ADAMTS2: variants seen among roughly 807,000 people sequenced by gnomAD.
ADAMTS2 encodes the protein A disintegrin and metalloproteinase with thrombospondin motifs 2.
Under a neutral mutation model 123.0 loss-of-function variants are expected in ADAMTS2, and 50 were observed. The observed-to-expected ratio is 0.41, with a 90% CI of 0.32 to 0.51. ADAMTS2 has a LOEUF of 0.51. Among genes scored for constraint, ADAMTS2 ranks in the 20% least tolerant of loss-of-function variants. The pLI, the probability that ADAMTS2 is intolerant of heterozygous loss-of-function variation, is 0.35. For missense variants in ADAMTS2, 1,494 were observed against 1,705.2 expected, an observed-to-expected ratio of 0.88 and a Z score of 2.18; for synonymous variants, 678 against 695.4, an observed-to-expected ratio of 0.98 and a Z score of 0.39.
chr5:179,344,460 C>A (rs1757880299), intron 1 of ADAMTS2, among the ~76,000 whole-genome samples: 1 of 152,212 alleles, frequency 6.6e-6, no homozygotes, highest in Non-Finnish European at 1.5e-5. Context: ...GGGAACCTCC[C>A]CGTGCCCGAA....
chr5:179,290,396 G>A (rs1052718904), intron 2 of ADAMTS2, among the ~76,000 whole-genome samples: 2 of 152,186 alleles, frequency 1.3e-5, no homozygotes, highest in African/African-American at 4.8e-5. Flanking sequence ...TTCCCAGCCT[G>A]CAGAACCATG....
intron 2 of ADAMTS2, among the ~76,000 whole-genome samples, chr5:179,318,574 C>T (rs1449769077): frequency 1.3e-5 from 2 of 152,214 alleles, no homozygotes; most frequent in Non-Finnish European, 2.9e-5. Flanking sequence ...ACACCCCTCG[C>T]CTCCGTCTTT....
At position 179,207,546 on chromosome 5, in the gene ADAMTS2, G is replaced by C; in HGVS notation, c.858C>G (p.His286Gln). 1 of 1,556,236 alleles carries C rather than the reference G, an allele frequency of 6.4e-7. No homozygotes were observed. The highest frequency in any genetic ancestry group is 8.7e-7 in the Non-Finnish European group (1 of 1,146,140). The change falls in exon 4 of 22, where the codon CAC becomes CAG. Residue 286 changes from histidine to glutamine, a missense_variant. Physicochemically the swap from His to Gln is conservative, Grantham distance 24. Around this residue, in one of 6 missense-constraint regions of ADAMTS2, gnomAD observed 184 missense variants for 152.1 expected, o/e 1.21. Coordinates refer to ENST00000251582, the MANE Select transcript of ADAMTS2 (RefSeq NM_014244.5). ...DSVVQFHGKE[H>Q]VQKYLLTLMN... ...TGAGTGTCAGCAGGTACTTCTGTAC[G>C]TGCTCCTTCCCGTGGAACTGCACCA...
chr5:179,309,240 C>A (rs903796295), intron 2 of ADAMTS2, among the ~76,000 whole-genome samples: 8 of 152,212 alleles, frequency 5.3e-5, no homozygotes, highest in African/African-American at 1.7e-4. Context: ...TGGGGCAGAC[C>A]CAGTCCCACT....
intron 3 of ADAMTS2, among the ~76,000 whole-genome samples, chr5:179,217,798 G>GGGGATGGGCACACTA (rs1554131217): frequency 9.3e-6 from 1 of 107,422 alleles, no homozygotes; most frequent in African/African-American, 3.9e-5. Flanking sequence ...TGGCGCAAGG[G>GGGGATGGGCACACTA]GGGGATGGGC....
At chr5:179,218,007 T>C (rs1052059926) in intron 3 of ADAMTS2, among the ~76,000 whole-genome samples, 2 of 152,172 alleles carry the variant, frequency 1.3e-5, no homozygotes, top group Non-Finnish European at 2.9e-5. Context: ...AGTCATCCTT[T>C]TTCCAGTGCT....
At position 179,341,302 on chromosome 5, in the gene ADAMTS2, G is replaced by A. The variant is rs375093179; in HGVS notation, c.534+2465C>T. The A allele has an allele frequency of 9.2e-4, 334 of 362,732 alleles. 6 individuals are homozygous for A. Among genetic ancestry groups the A allele is most frequent in the South Asian group, 5.9e-3 (290 of 49,410 alleles). The allele number at this position is 362,732 out of a possible 1,614,324, so 22.5% of individuals were successfully genotyped here. A position where few individuals can be genotyped will look rare whatever the true frequency, so the allele number is the denominator to read the frequency against. Reference sequence around the variant, plus strand: ...TTTAGGAGGCCAAGATGGGCAGATCGCTTGAGGTCGGGAGTTTGAGACCAG... The same window carrying A: ...TTTAGGAGGCCAAGATGGGCAGATCACTTGAGGTCGGGAGTTTGAGACCAG... On this transcript the variant is annotated intron_variant, in intron 2 of 21. Coordinates refer to ENST00000251582, the MANE Select transcript of ADAMTS2 (RefSeq NM_014244.5).
At chr5:179,231,697 A>G (rs2113430883) in intron 3 of ADAMTS2, among the ~76,000 whole-genome samples, 1 of 152,310 alleles carries the variant, frequency 6.6e-6, no homozygotes, top group East Asian at 1.9e-4. Context: ...ACATGGATCA[A>G]TGTCCAAAAT....
chr5:179,300,516 T>C (rs763645103), intron 2 of ADAMTS2, among the ~76,000 whole-genome samples: 2 of 152,252 alleles, frequency 1.3e-5, no homozygotes, highest in Non-Finnish European at 2.9e-5. Flanking sequence ...CATCCTCTTA[T>C]AGCACCCATT....
intron 5 of ADAMTS2, among the ~76,000 whole-genome samples, chr5:179,159,546 C>T (rs1296069251): frequency 2.6e-5 from 4 of 152,150 alleles, no homozygotes; most frequent in Non-Finnish European, 5.9e-5. Context: ...CAGATGATTC[C>T]CACAGGAACT....
chr5:179,217,769 G>A (rs116288057), intron 3 of ADAMTS2, among the ~76,000 whole-genome samples: 3 of 63,464 alleles, frequency 4.7e-5, no homozygotes, highest in African/African-American at 1.3e-4. Flanking sequence ...GAGGGGGGAT[G>A]GGCACACTCA....
At chr5:179,251,851 T>G (rs1256271558) in intron 3 of ADAMTS2, among the ~76,000 whole-genome samples, 4 of 150,204 alleles carry the variant, frequency 2.7e-5, no homozygotes, top group Non-Finnish European at 5.9e-5. Flanking sequence ...TTACTGACAC[T>G]TTTTTTTTAA....
chr5:179,178,275 C>A (rs1167166672), intron 5 of ADAMTS2, among the ~76,000 whole-genome samples: 2 of 152,190 alleles, frequency 1.3e-5, no homozygotes, highest in Non-Finnish European at 2.9e-5. Flanking sequence ...CCCGCACCTC[C>A]CCGCCTGTGA....
At chr5:179,310,399 C>A (rs1000253376) in intron 2 of ADAMTS2, among the ~76,000 whole-genome samples, 2 of 152,198 alleles carry the variant, frequency 1.3e-5, no homozygotes, top group Admixed American at 6.5e-5. Context: ...TTTCCGAAGC[C>A]CCCCCATAGG....
intron 2 of ADAMTS2, among the ~76,000 whole-genome samples, chr5:179,299,143 G>T (rs1217603509): frequency 6.6e-6 from 1 of 151,842 alleles, no homozygotes; most frequent in East Asian, 1.9e-4. Flanking sequence ...TGAGTGACAA[G>T]ATCTCACTTC....
intron 2 of ADAMTS2, among the ~76,000 whole-genome samples, chr5:179,290,006 C>A (rs1756139940): frequency 1.3e-5 from 2 of 152,230 alleles, no homozygotes; most frequent in Non-Finnish European, 2.9e-5. Flanking sequence ...CTGAACCAGA[C>A]AACCGACATG....
chr5:179,218,116 G>A (rs1261893606), intron 3 of ADAMTS2, among the ~76,000 whole-genome samples: 1 of 152,220 alleles, frequency 6.6e-6, no homozygotes, highest in Non-Finnish European at 1.5e-5. Context: ...ATTAGACTAA[G>A]GCCATGATGT....
rs920897070 is a variant in ADAMTS2, at chr5:179,170,487, A to G, written c.975+10585T>C. 6.6e-6 allele frequency among the ~76,000 whole-genome samples: 1 copy of G among 152,008 alleles called. No individual in the cohort carries two copies. The highest frequency in any genetic ancestry group is 1.5e-5 in the Non-Finnish European group (1 of 67,992). ...CTAGAGACGGGGGCCTCATTCCTTG[A>G]CGGGAAGCCTGTGGTTCCTTGAAGA... On this transcript the variant is annotated intron_variant, in intron 5 of 21. Transcript: ENST00000251582. This position sits in a 1 kb window ranked among gnomAD's most constrained non-coding sequence, Gnocchi z 4.3.
intron 10 of ADAMTS2, 61 bp downstream of exon 10, chr5:179,152,081 G>A (rs892120507): frequency 2.2e-5 from 33 of 1,485,152 alleles, no homozygotes; most frequent in Non-Finnish European, 2.9e-5. Flanking sequence ...TGGTGACCCG[G>A]GCACCTAAGA....
Sources: allele counts gnomAD v4.1 joint callset (sites outside exome capture counted in the v4.1 genomes callset), GRCh38; gene constraint gnomAD v4.1.1; regional missense constraint gnomAD v4.1.1; non-coding constraint Gnocchi (gnomAD v3.1); transcripts MANE v1.5; gene names NCBI Gene and HGNC (gene_info 2026-07-23, HGNC 2026-07-21).